The following HIVEP1 variants were observed in gnomAD, a reference collection of about 807,000 sequenced individuals.
HIVEP1 encodes the protein HIVEP zinc finger 1.
In HIVEP1, 36 loss-of-function variants were observed where a neutral mutation model predicts 180.0. That is an observed-to-expected ratio of 0.20 (90% confidence interval 0.15 to 0.26). The LOEUF (loss-of-function observed/expected upper bound fraction) is 0.26. Ranked by LOEUF, HIVEP1 falls within the 10% of genes least tolerant of loss-of-function variation. The pLI is 1.00. For synonymous variants in HIVEP1, 1,239 were observed against 1,239.0 expected (o/e 1.00, Z 0.00); for missense variants, 3,143 against 3,268.7 (o/e 0.96, Z 0.94).
intron 2 of HIVEP1, among the ~76,000 whole-genome samples, chr6:12,043,093 TC>T (rs1297309242): frequency 1.3e-5 from 2 of 152,222 alleles, no homozygotes; most frequent in African/African-American, 4.8e-5. Flanking sequence ...ATTTATTTGT[TC>T]CTGTGCTATA....
At chr6:12,130,300 A>G (rs1410695087) in intron 5 of HIVEP1, among the ~76,000 whole-genome samples, 2 of 152,234 alleles carry the variant, frequency 1.3e-5, no homozygotes, top group Non-Finnish European at 2.9e-5. Context: ...ATATTTCAGT[A>G]CTTAAAATTA....
chr6:12,124,761 C>T lies in HIVEP1; in HGVS notation c.4966C>T (p.Pro1656Ser). ...CTGTTTTGCTACACTCACATCCCTG[C>T]CACAAATACTAGTGACCCAAGATCT... ...AYCFATLTSL[P>S]QILVTQDLPN... Residue 1656 changes from proline to serine, a missense_variant, in exon 4 of 9, where the codon CCA (proline) becomes TCA (serine). This residue lies in a region of HIVEP1 where 1,357 missense variants were observed against 1,260.5 expected (regional missense o/e 1.08). Coordinates refer to ENST00000379388, the MANE Select transcript of HIVEP1 (RefSeq NM_002114.4). 1 of 1,614,148 alleles carries T rather than the reference C, an allele frequency of 6.2e-7. No homozygotes were observed. The highest frequency in any genetic ancestry group is 1.7e-5 in the Admixed American group (1 of 60,014).
At chr6:12,109,238 C>T (rs1227227287) in intron 3 of HIVEP1, among the ~76,000 whole-genome samples, 4 of 152,190 alleles carry the variant, frequency 2.6e-5, no homozygotes, top group African/African-American at 9.7e-5. Flanking sequence ...CGTGTTCCGC[C>T]CGCCTCAGCC....
Position 12,161,832 on chromosome 6 carries a change from C to T in HIVEP1, c.6881C>T (p.Thr2294Ile). ...AACGACACAATTCCGTCTGTAGACA[C>T]TTCCAGGTCCCCGTGTCATCAGATG... ...DENDTIPSVD[T>I]SRSPCHQMSV... The change falls in exon 8 of 9, where the codon ACT (threonine) becomes ATT (isoleucine). Residue 2294 changes from threonine to isoleucine, a missense_variant. Physicochemically the swap from Thr to Ile is moderately conservative, Grantham distance 89. Coordinates refer to ENST00000379388, the MANE Select transcript of HIVEP1 (RefSeq NM_002114.4). 1 of 1,614,142 alleles carries T rather than the reference C, an allele frequency of 6.2e-7. No individual in the cohort carries two copies. The highest frequency in any genetic ancestry group is 8.5e-7 in the Non-Finnish European group (1 of 1,180,022).
In HIVEP1 at chr6:12,060,592, A is replaced by G. The variant is rs149734411; in HGVS notation, c.41-28592A>G. 3.3e-5 allele frequency among the ~76,000 whole-genome samples: 5 copies of G among 152,342 alleles called. No homozygotes were observed. In the East Asian group the frequency reaches 9.6e-4, roughly 29 times the overall value. Reference sequence around the variant, plus strand: ...TCTCTGTCGTTTTTAAGAAAGCCAAATTACAGGATAGTTAATATCTTAAAG... The same window carrying G: ...TCTCTGTCGTTTTTAAGAAAGCCAAGTTACAGGATAGTTAATATCTTAAAG... On this transcript the variant is annotated intron_variant, in intron 2 of 8. Coordinates refer to ENST00000379388, the MANE Select transcript of HIVEP1 (RefSeq NM_002114.4).
intron 4 of HIVEP1, among the ~76,000 whole-genome samples, chr6:12,128,934 G>A (rs1051676864): frequency 7.9e-5 from 12 of 152,124 alleles, no homozygotes; most frequent in Non-Finnish European, 4.4e-5. Flanking sequence ...GTTTTAGCTG[G>A]GCATGGTGGC....
chr6:12,019,475 A>G (rs1393452784), intron 2 of HIVEP1, among the ~76,000 whole-genome samples: 1 of 152,160 alleles, frequency 6.6e-6, no homozygotes, highest in Non-Finnish European at 1.5e-5. Flanking sequence ...TTGCTTTACT[A>G]GAAGACATCT....
At chr6:12,021,301 CA>C (rs1768188383) in intron 2 of HIVEP1, among the ~76,000 whole-genome samples, 1 of 152,236 alleles carries the variant, frequency 6.6e-6, no homozygotes, top group African/African-American at 2.4e-5. Context: ...GCATCTTGTG[CA>C]TAGCCATTTG....
chr6:12,068,024 G>T (rs1771711858), intron 2 of HIVEP1, among the ~76,000 whole-genome samples: 1 of 152,058 alleles, frequency 6.6e-6, no homozygotes, highest in Non-Finnish European at 1.5e-5. Flanking sequence ...TGCTGGTGAG[G>T]GGGCTGTGCT....
At chr6:12,126,584 A>G (rs1227684466) in intron 4 of HIVEP1, among the ~76,000 whole-genome samples, 1 of 152,240 alleles carries the variant, frequency 6.6e-6, no homozygotes, top group African/African-American at 2.4e-5. Flanking sequence ...ATAGGTAAGC[A>G]TATCACGTTC....
At chr6:12,028,276 T>C (rs146540730) in intron 2 of HIVEP1, among the ~76,000 whole-genome samples, 277 of 152,356 alleles carry the variant, frequency 1.8e-3, no homozygotes, top group African/African-American at 6.4e-3. Flanking sequence ...TCTGAGGTGT[T>C]GGACATGTTG....
chr6:12,065,669 T>TTG lies in HIVEP1; in HGVS notation c.41-23494_41-23493dup, dbSNP rs68050049. The stretch of plus-strand genomic sequence containing the variant: ...AGGGTGGTCTCCTCCCAGGTAGGTT[T>TTG]TGTGTGTGTGTGTGTGTGTGTGCGT... On this transcript the variant is annotated intron_variant, in intron 2 of 8. Coordinates refer to ENST00000379388, the MANE Select transcript of HIVEP1 (RefSeq NM_002114.4). Among the ~76,000 whole-genome samples the TTG allele has an allele frequency of 7.2e-3, 1,028 of 143,310 alleles. 11 individuals carry two copies. The highest frequency in any genetic ancestry group is 0.023 in the African/African-American group (904 of 38,802). 94.0% of individuals were successfully genotyped at this position (143,310 alleles called of 152,430 possible).
chr6:12,115,321 G>A (rs1046169481), intron 3 of HIVEP1, among the ~76,000 whole-genome samples: 4 of 147,034 alleles, frequency 2.7e-5, no homozygotes, highest in Non-Finnish European at 4.5e-5. Flanking sequence ...TAGAACACAG[G>A]AATCTTAACT....
In HIVEP1 at chr6:12,124,022, A is replaced by C. The variant is rs765632473; in HGVS notation, c.4227A>C (p.Ser1409=). The C allele has an allele frequency of 4.1e-5, 66 of 1,613,752 alleles. No homozygotes were observed. Among genetic ancestry groups the C allele is most frequent in the Non-Finnish European group, 5.5e-5 (65 of 1,179,954 alleles). The part of the protein sequence containing the change: ...TPLTELQPPS[S]PSRVGVTGHV... The stretch of plus-strand genomic sequence containing the variant: ...TTACTGAATTGCAGCCTCCATCTTC[A>C]CCTTCTCGAGTGGGAGTGACTGGGC... The change falls in exon 4 of 9, where the codon TCA becomes TCC. Residue 1409 remains serine (S), a synonymous_variant. Transcript: ENST00000379388.
At chr6:12,048,703 T>C (rs746111127) in intron 2 of HIVEP1, among the ~76,000 whole-genome samples, 1 of 152,244 alleles carries the variant, frequency 6.6e-6, no homozygotes, top group South Asian at 2.1e-4. Context: ...TGTCTCCTTT[T>C]TAGTATTACT....
chr6:12,098,505 T>C (rs1773901570), intron 3 of HIVEP1, among the ~76,000 whole-genome samples: 1 of 152,216 alleles, frequency 6.6e-6, no homozygotes, highest in Non-Finnish European at 1.5e-5. Flanking sequence ...AAGGATAATA[T>C]GTGTTGCTGT....
chr6:12,040,085 CTGCTTATTATCTGTGTATG>C (rs1258674525), intron 2 of HIVEP1, among the ~76,000 whole-genome samples: 1 of 152,140 alleles, frequency 6.6e-6, no homozygotes, highest in Non-Finnish European at 1.5e-5. Context: ...GTTGTTGGAA[CTGCTTATTATCTGTGTATG>C]TGTGTGTGCC....
At chr6:12,131,789 A>G (rs1012153667) in intron 6 of HIVEP1, among the ~76,000 whole-genome samples, 2 of 142,952 alleles carry the variant, frequency 1.4e-5, no homozygotes, top group Non-Finnish European at 3.0e-5. Flanking sequence ...TAAAAAAAAA[A>G]AAAAAAAAAA....
rs1353334685 is a variant in HIVEP1 at position 12,124,270 on chromosome 6, A to G, written c.4475A>G (p.Gln1492Arg). The G allele has an allele frequency of 6.2e-7, 1 of 1,614,140 alleles. No homozygotes were observed. Reference sequence around the variant, plus strand: ...TCTCAGACTCAGGTTAAGGATCTGCAGGCAGAAACATCAAACTCCAGCTCT... The same window carrying G: ...TCTCAGACTCAGGTTAAGGATCTGCGGGCAGAAACATCAAACTCCAGCTCT... Reference protein sequence around the residue: ...LHSQTQVKDLQAETSNSSSTN... With the variant: ...LHSQTQVKDLRAETSNSSSTN... The change falls in exon 4 of 9, where the codon CAG (glutamine) becomes CGG (arginine). Residue 1492 changes from glutamine to arginine, a missense_variant. Coordinates refer to ENST00000379388, the MANE Select transcript of HIVEP1 (RefSeq NM_002114.4).
Sources: gnomAD v4.1 joint callset for allele counts (sites outside exome capture counted in the v4.1 genomes callset) on GRCh38, gnomAD v4.1.1 for gene constraint, gnomAD v4.1.1 regional missense constraint, MANE v1.5 for transcripts, NCBI Gene and HGNC (gene_info 2026-07-23, HGNC 2026-07-21) for gene names.